Variants in TTLL5 observed in about 807,000 individuals in gnomAD.
The protein encoded by TTLL5 is tubulin polyglutamylase TTLL5.
Under a neutral mutation model 168.4 loss-of-function variants are expected in TTLL5, and 132 were observed. The ratio of observed to expected loss-of-function variants is 0.78; its 90% CI spans 0.68 to 0.91. The LOEUF (loss-of-function observed/expected upper bound fraction) is 0.91, where lower values mean the gene tolerates loss of function less well. TTLL5 is among the 40% of genes least tolerant of loss of function. The pLI, the probability that TTLL5 is intolerant of heterozygous loss-of-function variation, is 0.00. For synonymous variants in TTLL5, 546 were observed against 558.6 expected (o/e 0.98, Z 0.32); for missense variants, 1,545 against 1,581.5 (o/e 0.98, Z 0.39).
chr14:75,852,781 G>T (rs1896930818), intron 28 of TTLL5, among the ~76,000 whole-genome samples: 1 of 152,142 alleles, frequency 6.6e-6, no homozygotes, highest in Non-Finnish European at 1.5e-5. Flanking sequence ...CTCTTGGCAG[G>T]TCCGTCTAAC....
intron 3 of TTLL5, among the ~76,000 whole-genome samples, chr14:75,670,956 A>G (rs1187835541): frequency 6.6e-6 from 1 of 152,112 alleles, no homozygotes; most frequent in African/African-American, 2.4e-5. Context: ...TCTTTGTGTC[A>G]TATCTAAGAA....
In TTLL5 at chr14:75,766,417, G is replaced by A. The variant is rs372827322; in HGVS notation, c.2015+49G>A. 7.6e-4 allele frequency: 1,126 copies of A among 1,484,020 alleles called. 2 individuals are homozygous for A. Among genetic ancestry groups the A allele is most frequent in the Non-Finnish European group, 9.7e-4 (1,069 of 1,100,062 alleles). The allele number at this position is 1,484,020 out of a possible 1,614,324, so 91.9% of individuals were successfully genotyped here. A position where few individuals can be genotyped will look rare whatever the true frequency, so the allele number is the denominator to read the frequency against. On this transcript the variant is annotated intron_variant, in intron 20 of 31. Coordinates refer to ENST00000298832, the MANE Select transcript of TTLL5 (RefSeq NM_015072.5). The stretch of plus-strand genomic sequence containing the variant: ...TAGTAAAACTGATAACAGCTAACTT[G>A]TACTGTGTACCAGCTACTATTTTAG...
At chr14:75,764,887 T>C (rs1341918817) in intron 19 of TTLL5, 115 bp downstream of exon 19, 6 of 1,163,262 alleles carry the variant, frequency 5.2e-6, no homozygotes, top group Non-Finnish European at 7.2e-6. Flanking sequence ...CATACACCTT[T>C]TTTATATAGT....
At chr14:75,803,558 A>G (rs1893460567) in intron 27 of TTLL5, among the ~76,000 whole-genome samples, 2 of 152,350 alleles carry the variant, frequency 1.3e-5, no homozygotes, top group African/African-American at 4.8e-5. Context: ...AATAACTTAG[A>G]AATCTGAGCA....
rs113407222 is a variant in TTLL5, at chr14:75,766,110, A to C, written c.1757A>C (p.Glu586Ala). 6.2e-7 allele frequency: 1 copy of C among 1,614,040 alleles called. No individual in the cohort carries two copies. The highest frequency in any genetic ancestry group is 1.1e-5 in the South Asian group (1 of 91,064). Residue 586 changes from glutamate to alanine, a missense_variant, in exon 20 of 32, where the codon GAA (glutamate) becomes GCA (alanine). Transcript: ENST00000298832. ...EMNVKTETES[E>A]EEEEVALDNE... ...AATGTTAAAACTGAGACAGAGAGTG[A>C]AGAGGAGGAAGAAGTCGCATTAGAT...
intron 29 of TTLL5, among the ~76,000 whole-genome samples, chr14:75,866,315 G>A (rs1257731030): frequency 6.6e-6 from 1 of 152,110 alleles, no homozygotes; most frequent in African/African-American, 2.4e-5. Flanking sequence ...CTGTCCTGGG[G>A]TTACCCTTTA....
At chr14:75,734,643 G>T (rs920505818) in intron 14 of TTLL5, among the ~76,000 whole-genome samples, 4 of 152,146 alleles carry the variant, frequency 2.6e-5, no homozygotes, top group Non-Finnish European at 5.9e-5. Flanking sequence ...ATTCTCCCTG[G>T]ATGGGAATCT....
intron 28 of TTLL5, among the ~76,000 whole-genome samples, chr14:75,857,794 GGCACCAGC>G (rs1011345749): frequency 6.6e-6 from 1 of 151,942 alleles, no homozygotes. Context: ...TGGAATTACA[GGCACCAGC>G]CACCACTCCT....
Position 75,732,330 on chromosome 14 carries a change from A to G in TTLL5, c.1043-8A>G. 1 of 1,612,520 alleles carries G rather than the reference A, an allele frequency of 6.2e-7. No homozygotes were observed. Among genetic ancestry groups the G allele is most frequent in the Non-Finnish European group, 8.5e-7 (1 of 1,179,214 alleles). ...GATCTTGTGTATTGTGTTGTGTTGT[A>G]TTTCTAGAACTCTATGGCTTTGACG... On this transcript the variant is annotated splice_polypyrimidine_tract_variant and splice_region_variant and intron_variant, in intron 12 of 31. Transcript: ENST00000298832.
At chr14:75,777,928 G>A (rs17783204) in intron 23 of TTLL5, among the ~76,000 whole-genome samples, 19,253 of 151,060 alleles carry the variant, frequency 0.13, 1,741 homozygotes, top group Non-Finnish European at 0.2. Context: ...GATAAAACAG[G>A]TATAGTAACA....
intron 18 of TTLL5, among the ~76,000 whole-genome samples, chr14:75,758,285 C>G (rs1890410424): frequency 6.6e-6 from 1 of 152,112 alleles, no homozygotes; most frequent in African/African-American, 2.4e-5. Flanking sequence ...TGTGGACTTT[C>G]ATTTAGGCAG....
At chr14:75,885,077 A>T (rs1173381221) in intron 30 of TTLL5, among the ~76,000 whole-genome samples, 3 of 152,064 alleles carry the variant, frequency 2.0e-5, no homozygotes, top group Non-Finnish European at 4.4e-5. Context: ...CGGGAGGCTG[A>T]GGCGGGAGAA....
chr14:75,760,270 T>C (rs1890549724), intron 18 of TTLL5, among the ~76,000 whole-genome samples: 1 of 152,054 alleles, frequency 6.6e-6, no homozygotes, highest in African/African-American at 2.4e-5. Flanking sequence ...TACTTAGGAA[T>C]AAATTTAACA....
chr14:75,709,984 C>CTTTTTTTTTTTTTTT, intron 9 of TTLL5: 1 of 152,082 alleles, frequency 6.6e-6, no homozygotes, highest in Admixed American at 6.5e-5. Context: ...AGCTTTCTCT[C>CTTTTTTTTTTTTTTT]TTTTGTGTTA....
intron 31 of TTLL5, among the ~76,000 whole-genome samples, chr14:75,926,744 C>T (rs1301927176): frequency 6.6e-6 from 1 of 152,170 alleles, no homozygotes; most frequent in African/African-American, 2.4e-5. Context: ...GTTTAGAAAA[C>T]AGTTTGGCAG....
chr14:75,768,956 A>G (rs1891119120), intron 20 of TTLL5, among the ~76,000 whole-genome samples: 3 of 152,198 alleles, frequency 2.0e-5, no homozygotes, highest in Non-Finnish European at 4.4e-5. Context: ...AAGAGCTTCT[A>G]TAGGCCTCAG....
intron 31 of TTLL5, among the ~76,000 whole-genome samples, chr14:75,918,132 C>G (rs2033685150): frequency 6.6e-6 from 1 of 152,138 alleles, no homozygotes; most frequent in African/African-American, 2.4e-5. Context: ...AAGACAGATG[C>G]CAGGTCAATC....
At chr14:75,787,983 G>A (rs1892469216) in intron 26 of TTLL5, among the ~76,000 whole-genome samples, 1 of 152,168 alleles carries the variant, frequency 6.6e-6, no homozygotes, top group Non-Finnish European at 1.5e-5. Context: ...GTCAGTATTT[G>A]AAGGGAAATT....
intron 31 of TTLL5, among the ~76,000 whole-genome samples, chr14:75,924,699 G>C (rs997295051): frequency 6.6e-6 from 1 of 151,922 alleles, no homozygotes; most frequent in Non-Finnish European, 1.5e-5. Flanking sequence ...ACACAGACAC[G>C]GCAACCATCC....
Sources: allele counts gnomAD v4.1 joint callset (sites outside exome capture counted in the v4.1 genomes callset), GRCh38; gene constraint gnomAD v4.1.1; transcripts MANE v1.5; gene names NCBI Gene and HGNC (gene_info 2026-07-23, HGNC 2026-07-21).